Variants in PIGU observed in about 807,000 individuals in gnomAD.
The protein encoded by PIGU is GPI-anchor transamidase component PIGU.
In PIGU, 24 loss-of-function variants were observed where a neutral mutation model predicts 49.9. That is an observed-to-expected ratio of 0.48 (90% CI 0.35 to 0.68). The LOEUF (loss-of-function observed/expected upper bound fraction) is 0.68, where lower values mean the gene tolerates loss of function less well. Among genes scored for constraint, PIGU ranks in the 30% least tolerant of loss-of-function variants. PIGU has a pLI of 0.01. For missense variants in PIGU, 490 were observed against 532.6 expected (o/e 0.92, Z 0.79); for synonymous variants, 220 against 205.7 (o/e 1.07, Z -0.59).
rs1026406269 is a variant in PIGU at position 34,560,748 on chromosome 20, C to A, written c.*118G>T. On this transcript the variant is annotated 3_prime_UTR_variant, in exon 12 of 12. Transcript: ENST00000217446. Reference sequence around the variant, plus strand: ...CTTTTGGTACCAGAGACTTGTGACCCTGGACTCGAACCTCTTCTGCCCAAG... The same window carrying A: ...CTTTTGGTACCAGAGACTTGTGACCATGGACTCGAACCTCTTCTGCCCAAG... 1.0e-5 allele frequency: 7 copies of A among 684,344 alleles called. No individual in the cohort carries two copies. Among genetic ancestry groups the A allele is most frequent in the African/African-American group, 9.4e-5 (5 of 53,222 alleles). 42.4% of individuals were successfully genotyped at this position (684,344 alleles called of 1,614,324 possible). A position where few individuals can be genotyped will look rare whatever the true frequency, so the allele number is the denominator to read the frequency against.
intron 10 of PIGU, among the ~76,000 whole-genome samples, chr20:34,581,160 C>A (rs1983444465): frequency 6.6e-6 from 1 of 152,196 alleles, no homozygotes; most frequent in Non-Finnish European, 1.5e-5. Flanking sequence ...GTTCACAGAT[C>A]TGGATTCCAA....
intron 7 of PIGU, among the ~76,000 whole-genome samples, chr20:34,610,831 C>T (rs939657668): frequency 6.6e-6 from 1 of 152,194 alleles, no homozygotes; most frequent in African/African-American, 2.4e-5. Context: ...GCACCCAAAA[C>T]AGCATGCTAC....
At chr20:34,624,289 G>C (rs939895733) in intron 6 of PIGU, among the ~76,000 whole-genome samples, 3 of 152,006 alleles carry the variant, frequency 2.0e-5, no homozygotes, top group African/African-American at 7.2e-5. Flanking sequence ...ACTCTATAAG[G>C]CAGACACTCT....
At chr20:34,636,423 A>G (rs1052227083) in intron 5 of PIGU, among the ~76,000 whole-genome samples, 2 of 152,086 alleles carry the variant, frequency 1.3e-5, no homozygotes, top group Non-Finnish European at 2.9e-5. Flanking sequence ...GGGTACCTGT[A>G]GTCCCAGCTA....
At chr20:34,614,732 G>C (rs560905090) in intron 7 of PIGU, among the ~76,000 whole-genome samples, 11 of 151,076 alleles carry the variant, frequency 7.3e-5, no homozygotes, top group African/African-American at 2.2e-4. Context: ...ATAAGAAAAA[G>C]ATCAAGCAAA....
intron 6 of PIGU, among the ~76,000 whole-genome samples, chr20:34,619,070 G>A (rs1418515193): frequency 3.9e-5 from 6 of 152,330 alleles, no homozygotes; most frequent in African/African-American, 9.6e-5. Flanking sequence ...AAACTCACCA[G>A]CTAGAACAAC....
chr20:34,664,382 A>T (rs892665503), intron 1 of PIGU, among the ~76,000 whole-genome samples: 5 of 152,174 alleles, frequency 3.3e-5, no homozygotes, highest in Non-Finnish European at 4.4e-5. Flanking sequence ...AAACATTTTT[A>T]AAAACCCTAC....
intron 4 of PIGU, among the ~76,000 whole-genome samples, chr20:34,642,218 GT>G (rs1986184893): frequency 6.6e-6 from 1 of 152,066 alleles, no homozygotes; most frequent in Non-Finnish European, 1.5e-5. Context: ...ATTAAAAACT[GT>G]TTTGTTTTGA....
chr20:34,648,917 G>A (rs1229639380), intron 2 of PIGU, among the ~76,000 whole-genome samples: 1 of 152,120 alleles, frequency 6.6e-6, no homozygotes, highest in African/African-American at 2.4e-5. Context: ...CCCCAGGCTG[G>A]AGTGCAGTGG....
At chr20:34,623,018 C>T (rs17091950) in intron 6 of PIGU, among the ~76,000 whole-genome samples, 2,495 of 152,232 alleles carry the variant, frequency 0.016, 85 homozygotes, top group African/African-American at 0.058. Context: ...GACTGCACCT[C>T]ACAGCGATCT....
At chr20:34,563,936 A>C (rs1982637730) in intron 11 of PIGU, among the ~76,000 whole-genome samples, 1 of 152,068 alleles carries the variant, frequency 6.6e-6, no homozygotes, top group East Asian at 1.9e-4. Context: ...CTTTCTAAAA[A>C]CCCACAACCC....
chr20:34,590,803 A>G (rs1983939288), intron 7 of PIGU, among the ~76,000 whole-genome samples: 1 of 152,044 alleles, frequency 6.6e-6, no homozygotes, highest in Admixed American at 6.6e-5. Flanking sequence ...CAAGCGGATC[A>G]TGAGGTCAGG....
At chr20:34,668,885 T>A (rs1184039531) in intron 1 of PIGU, among the ~76,000 whole-genome samples, 8 of 130,248 alleles carry the variant, frequency 6.1e-5, no homozygotes, top group African/African-American at 2.3e-4. Flanking sequence ...TTTTTTTTTT[T>A]TTTTTTTTTT....
chr20:34,582,845 G>A (rs903963805), intron 9 of PIGU, among the ~76,000 whole-genome samples: 1 of 152,134 alleles, frequency 6.6e-6, no homozygotes, highest in African/African-American at 2.4e-5. Context: ...ACACTTCCAA[G>A]CTCTGGTCAG....
chr20:34,590,938 G>A (rs549713551), intron 7 of PIGU, among the ~76,000 whole-genome samples: 5 of 151,486 alleles, frequency 3.3e-5, no homozygotes, highest in East Asian at 2.0e-4. Flanking sequence ...GGAGAATGGC[G>A]TGAACCCAGG....
intron 7 of PIGU, among the ~76,000 whole-genome samples, chr20:34,590,463 A>G (rs1401950224): frequency 6.6e-6 from 1 of 152,096 alleles, no homozygotes. Context: ...AGACTAAGGC[A>G]TGAGAATCAC....
intron 7 of PIGU, among the ~76,000 whole-genome samples, chr20:34,590,985 C>A (rs1475321070): frequency 1.3e-5 from 2 of 151,624 alleles, no homozygotes; most frequent in East Asian, 3.9e-4. Flanking sequence ...TGCACCACTG[C>A]ACTCCAGCCT....
At chr20:34,661,053 G>A (rs1023291183) in intron 1 of PIGU, among the ~76,000 whole-genome samples, 8 of 152,044 alleles carry the variant, frequency 5.3e-5, no homozygotes, top group African/African-American at 1.9e-4. Context: ...AAATTAAAAA[G>A]TACACTAGAG....
chr20:34,566,362 G>A (rs1384612615), intron 11 of PIGU, among the ~76,000 whole-genome samples: 1 of 152,222 alleles, frequency 6.6e-6, no homozygotes, highest in East Asian at 1.9e-4. Flanking sequence ...TACCCTCTCA[G>A]CGCTGCCCCC....
Sources: gnomAD v4.1 joint callset for allele counts (sites outside exome capture counted in the v4.1 genomes callset) on GRCh38, gnomAD v4.1.1 for gene constraint, MANE v1.5 for transcripts, NCBI Gene and HGNC (gene_info 2026-07-23, HGNC 2026-07-21) for gene names.